The following SGPP2 variants were observed in gnomAD, a reference collection of about 807,000 sequenced individuals.
SGPP2 encodes sphingosine-1-phosphate phosphatase 2.
In SGPP2, 30 loss-of-function variants were observed where a neutral mutation model predicts 33.9. That is an observed-to-expected ratio of 0.89 (90% CI 0.66 to 1.20). SGPP2 has a LOEUF of 1.20. Among genes scored for constraint, SGPP2 ranks in the 50% most tolerant of loss-of-function variants. The probability of loss-of-function intolerance (pLI) is 0.00; values close to 1 mark genes in which losing one functional copy is unlikely to be tolerated. For synonymous variants in SGPP2, 233 were observed against 225.0 expected (o/e 1.04, Z -0.32); for missense variants, 458 against 532.1 (o/e 0.86, Z 1.37).
At chr2:222,530,507 G>A (rs1455581466) in intron 4 of SGPP2, among the ~76,000 whole-genome samples, 1 of 152,180 alleles carries the variant, frequency 6.6e-6, no homozygotes, top group Non-Finnish European at 1.5e-5. Context: ...TTTGAACACG[G>A]CTTCTTTCCT....
chr2:222,531,660 ATAGT>A (rs1406055512), intron 4 of SGPP2, among the ~76,000 whole-genome samples: 2 of 152,224 alleles, frequency 1.3e-5, no homozygotes, highest in African/African-American at 4.8e-5. Flanking sequence ...ATATTTTAAA[ATAGT>A]TAAGGTGGTG....
chr2:222,463,892 A>G (rs1455641867), intron 1 of SGPP2, among the ~76,000 whole-genome samples: 2 of 152,142 alleles, frequency 1.3e-5, no homozygotes, highest in Non-Finnish European at 2.9e-5. Flanking sequence ...TGTTTTTTGA[A>G]GGGAGGTAGG....
intron 2 of SGPP2, among the ~76,000 whole-genome samples, chr2:222,503,579 G>T (rs990981583): frequency 6.6e-6 from 1 of 152,082 alleles, no homozygotes; most frequent in Non-Finnish European, 1.5e-5. Flanking sequence ...TCAGTATAGT[G>T]TGTAGGATTA....
At chr2:222,529,475 C>T (rs1014509973) in intron 4 of SGPP2, among the ~76,000 whole-genome samples, 4 of 152,184 alleles carry the variant, frequency 2.6e-5, no homozygotes, top group South Asian at 4.1e-4. Context: ...GCTGGGACTA[C>T]AGGCATGCGC....
At position 222,434,643 on chromosome 2, in the gene SGPP2, C is replaced by T. The variant is rs192162858; in HGVS notation, c.219+9822C>T. On this transcript the variant is annotated intron_variant, in intron 1 of 4. Transcript: ENST00000321276. ...TTGGTAAATGCCTTCATAAGAAATG[C>T]CCTTTCTGTCATCTCAGGGTATGTT... is the stretch of plus-strand genomic sequence containing the variant. Among the ~76,000 whole-genome samples, 464 of 152,164 alleles carry T rather than the reference C, an allele frequency of 3.0e-3. 2 individuals are homozygous for T. Among genetic ancestry groups the T allele is most frequent in the African/African-American group, 0.01 (435 of 41,512 alleles).
At chr2:222,433,019 AAAAGAAAGAAAGAGAGAAAG>A (rs1385178777) in intron 1 of SGPP2, among the ~76,000 whole-genome samples, 1 of 145,744 alleles carries the variant, frequency 6.9e-6, no homozygotes, top group Non-Finnish European at 1.5e-5. Flanking sequence ...GAAACTCTGA[AAAAGAAAGAAAGAGAGAAAG>A]AAAGAAAGAA....
intron 1 of SGPP2, among the ~76,000 whole-genome samples, chr2:222,435,026 G>GTATATATATA (rs1697216111): frequency 5.8e-5 from 1 of 17,096 alleles, no homozygotes. Context: ...GTGTATATGT[G>GTATATATATA]TGTATATATA....
In SGPP2 at chr2:222,474,657, C is replaced by T; in HGVS notation, c.309C>T (p.Ile103=). The change falls in exon 2 of 5, where the codon ATC becomes ATT. Residue 103 remains isoleucine, a synonymous_variant. Coordinates refer to ENST00000321276, the MANE Select transcript of SGPP2 (RefSeq NM_152386.4). ...SAALGQEVFY[I]TFLPFTHWNI... The stretch of plus-strand genomic sequence containing the variant: ...CTTTGGGCCAAGAAGTGTTCTACAT[C>T]ACGTTTCTTCCATTCACTCACTGGA... 6.2e-7 allele frequency: 1 copy of T among 1,613,888 alleles called. No homozygotes were observed. Among genetic ancestry groups the T allele is most frequent in the East Asian group, 2.2e-5 (1 of 44,860 alleles).
chr2:222,510,158 G>T (rs1698504105), intron 2 of SGPP2, among the ~76,000 whole-genome samples: 1 of 152,214 alleles, frequency 6.6e-6, no homozygotes, highest in Admixed American at 6.5e-5. Context: ...AAACTGAGAA[G>T]AATGAGGCTA....
intron 3 of SGPP2, among the ~76,000 whole-genome samples, chr2:222,523,233 A>G (rs768123311): frequency 7.2e-5 from 11 of 152,216 alleles, no homozygotes; most frequent in African/African-American, 1.2e-4. Context: ...GTTACAAGGA[A>G]TATATTTGAC....
At position 222,467,968 on chromosome 2, in the gene SGPP2, A is replaced by C. The variant is rs1376618561; in HGVS notation, c.220-6600A>C. On this transcript the variant is annotated intron_variant, in intron 1 of 4. Coordinates refer to ENST00000321276, the MANE Select transcript of SGPP2 (RefSeq NM_152386.4). ...CTAATCTGAAAAAAAAAAAAAAAAA[A>C]AAAAAAAAAAAAAAAAAAAACAGAG... Among the ~76,000 whole-genome samples the C allele has an allele frequency of 7.3e-3, 940 of 128,840 alleles. 12 individuals are homozygous for C. Among genetic ancestry groups the C allele is most frequent in the African/African-American group, 0.035 (881 of 25,216 alleles). The allele number at this position is 128,840 out of a possible 152,430, so 84.5% of individuals were successfully genotyped here.
rs1697504028 is a variant in SGPP2 at position 222,452,339 on chromosome 2, G to A, written c.220-22229G>A. 1.6e-5 allele frequency: 11 copies of A among 680,766 alleles called. 1 individual carries two copies. The highest frequency in any genetic ancestry group is 1.2e-4 in the South Asian group (8 of 67,682). The allele number at this position is 680,766 out of a possible 1,614,324, so 42.2% of individuals were successfully genotyped here. ...AAATCCTATGAGGGAGGGGAGGAGG[G>A]GAGAGGAAGGATTCAGCCAGTGCCC... On this transcript the variant is annotated intron_variant, in intron 1 of 4. Coordinates refer to ENST00000321276, the MANE Select transcript of SGPP2 (RefSeq NM_152386.4).
At chr2:222,427,003 T>C (rs1697081154) in intron 1 of SGPP2, among the ~76,000 whole-genome samples, 1 of 152,244 alleles carries the variant, frequency 6.6e-6, no homozygotes, top group East Asian at 1.9e-4. Context: ...GTGACTTCTC[T>C]GACCTTCCAG....
chr2:222,520,770 T>G (rs1574874986), intron 2 of SGPP2, among the ~76,000 whole-genome samples: 1 of 151,982 alleles, frequency 6.6e-6, no homozygotes, highest in East Asian at 1.9e-4. Context: ...CCCTTTTTTT[T>G]TGAGACAGGG....
chr2:222,491,491 G>A (rs1487043729), intron 2 of SGPP2, among the ~76,000 whole-genome samples: 3 of 152,166 alleles, frequency 2.0e-5, no homozygotes, highest in Non-Finnish European at 4.4e-5. Context: ...AAGAGAGAGT[G>A]AGCAAGAGTA....
chr2:222,558,977 A>T lies in SGPP2; in HGVS notation c.*79A>T. The T allele has an allele frequency of 2.1e-6, 3 of 1,430,978 alleles. No homozygotes were observed. Among genetic ancestry groups the T allele is most frequent in the East Asian group, 2.3e-5 (1 of 43,510 alleles). 88.6% of individuals were successfully genotyped at this position (1,430,978 alleles called of 1,614,324 possible). The stretch of plus-strand genomic sequence containing the variant: ...AGTTATTGGTAGGCAAATCTTGACA[A>T]CTTATTTTTCTTTAACAACAACAAA... On this transcript the variant is annotated 3_prime_UTR_variant, in exon 5 of 5. Transcript: ENST00000321276.
intron 4 of SGPP2, among the ~76,000 whole-genome samples, chr2:222,542,814 C>T (rs1362129145): frequency 2.0e-5 from 3 of 149,844 alleles, no homozygotes; most frequent in Non-Finnish European, 4.4e-5. Flanking sequence ...TTTTTCTTTT[C>T]CTTTTTTTTT....
chr2:222,470,942 A>C (rs1026362019), intron 1 of SGPP2, among the ~76,000 whole-genome samples: 1 of 152,204 alleles, frequency 6.6e-6, no homozygotes, highest in African/African-American at 2.4e-5. Context: ...AGAGAGAGGC[A>C]TTTGTCACTT....
chr2:222,443,167 T>A (rs1256829673), intron 1 of SGPP2, among the ~76,000 whole-genome samples: 1 of 152,242 alleles, frequency 6.6e-6, no homozygotes, highest in Non-Finnish European at 1.5e-5. Flanking sequence ...GAAACCATTC[T>A]CGGCTTTGCC....
Sources: allele counts gnomAD v4.1 joint callset (sites outside exome capture counted in the v4.1 genomes callset), GRCh38; gene constraint gnomAD v4.1.1; transcripts MANE v1.5; gene names NCBI Gene and HGNC (gene_info 2026-07-23, HGNC 2026-07-21).